CNTN5: variants seen among roughly 807,000 people sequenced by gnomAD.
The protein encoded by CNTN5 is contactin 5.
CNTN5 carries 77 observed loss-of-function variants against 129.1 expected under a neutral mutation model. The observed-to-expected ratio is 0.60, with a 90% CI of 0.50 to 0.72. The LOEUF (loss-of-function observed/expected upper bound fraction) is 0.72. CNTN5 is among the 30% of genes least tolerant of loss of function. CNTN5 has a pLI of 0.00. For missense variants in CNTN5, 1,478 were observed against 1,328.8 expected (o/e 1.11, Z -1.75); for synonymous variants, 509 against 465.6 (o/e 1.09, Z -1.20).
intron 1 of CNTN5, among the ~76,000 whole-genome samples, chr11:99,260,895 A>C (rs1862595046): frequency 6.6e-6 from 1 of 151,958 alleles, no homozygotes; most frequent in South Asian, 2.1e-4. Context: ...CACTGATGGG[A>C]AATTCCAAAC....
intron 2 of CNTN5, among the ~76,000 whole-genome samples, chr11:99,443,580 A>G (rs932343756): frequency 2.6e-5 from 4 of 152,204 alleles, no homozygotes; most frequent in African/African-American, 7.2e-5. Context: ...ATGAATTCAT[A>G]AATATTTAAT....
chr11:100,291,754 TA>T (rs1324855984), intron 18 of CNTN5, among the ~76,000 whole-genome samples: 38 of 34,892 alleles, frequency 1.1e-3, no homozygotes, highest in Non-Finnish European at 3.4e-3. Flanking sequence ...AGTATAATAA[TA>T]AATAAATAAA....
chr11:99,642,503 A>G (rs1951807658), intron 3 of CNTN5, among the ~76,000 whole-genome samples: 1 of 152,170 alleles, frequency 6.6e-6, no homozygotes, highest in African/African-American at 2.4e-5. Context: ...GTAATTGTAC[A>G]TATTTACAGG....
At chr11:100,253,295 T>C (rs1950006930) in intron 16 of CNTN5, among the ~76,000 whole-genome samples, 1 of 152,172 alleles carries the variant, frequency 6.6e-6, no homozygotes, top group African/African-American at 2.4e-5. Flanking sequence ...AGCTGTGCTG[T>C]TCCCTAGCAG....
intron 9 of CNTN5, among the ~76,000 whole-genome samples, chr11:100,040,542 T>C (rs976262813): frequency 1.3e-5 from 2 of 152,172 alleles, no homozygotes; most frequent in Non-Finnish European, 2.9e-5. Context: ...GCTGTCTTTT[T>C]GTTTGTCTGT....
chr11:99,561,011 A>T (rs572092164), intron 3 of CNTN5, among the ~76,000 whole-genome samples: 129 of 152,304 alleles, frequency 8.5e-4, no homozygotes, highest in African/African-American at 3.0e-3. Flanking sequence ...GTAGCAACCA[A>T]CACACAAAGT....
At chr11:99,719,957 C>A (rs954324598) in intron 3 of CNTN5, among the ~76,000 whole-genome samples, 2 of 152,048 alleles carry the variant, frequency 1.3e-5, no homozygotes, top group Admixed American at 6.6e-5. Flanking sequence ...TGGACACATA[C>A]ACTCTCCTAA....
At chr11:100,065,002 C>G (rs535641556) in intron 10 of CNTN5, among the ~76,000 whole-genome samples, 2 of 152,168 alleles carry the variant, frequency 1.3e-5, no homozygotes, top group South Asian at 4.1e-4. Flanking sequence ...GCGTCACCAA[C>G]TAGTAACTTG....
At chr11:99,426,352 C>A (rs909968643) in intron 2 of CNTN5, among the ~76,000 whole-genome samples, 5 of 151,732 alleles carry the variant, frequency 3.3e-5, no homozygotes, top group Non-Finnish European at 5.9e-5. Flanking sequence ...CAAATATTTC[C>A]AAAAAAAGGG....
intron 2 of CNTN5, among the ~76,000 whole-genome samples, chr11:99,336,874 A>G (rs1591539465): frequency 6.6e-6 from 1 of 152,176 alleles, no homozygotes; most frequent in African/African-American, 2.4e-5. Flanking sequence ...TTTACTAAAC[A>G]GTAGATATAG....
intron 13 of CNTN5, among the ~76,000 whole-genome samples, chr11:100,145,953 TAGAATC>T (rs934784971): frequency 6.6e-6 from 1 of 152,152 alleles, no homozygotes; most frequent in African/African-American, 2.4e-5. Flanking sequence ...TCACCAGTAT[TAGAATC>T]AGATACCATG....
intron 8 of CNTN5, among the ~76,000 whole-genome samples, chr11:99,970,972 A>G (rs929810449): frequency 2.6e-5 from 4 of 152,198 alleles, no homozygotes; most frequent in Non-Finnish European, 5.9e-5. Flanking sequence ...TCTGTCTCCA[A>G]GAATGCAAAT....
intron 1 of CNTN5, among the ~76,000 whole-genome samples, chr11:99,070,619 A>C (rs764970877): frequency 1.3e-5 from 2 of 152,132 alleles, no homozygotes; most frequent in South Asian, 4.1e-4. Context: ...TTAAGTAAAA[A>C]CAAGTATTAT....
chr11:100,216,163 C>T (rs964424797), intron 15 of CNTN5, among the ~76,000 whole-genome samples: 4 of 152,082 alleles, frequency 2.6e-5, no homozygotes, highest in African/African-American at 7.2e-5. Flanking sequence ...TGAGATGAAG[C>T]TACTCATACT....
At chr11:99,800,405 G>A (rs571230562) in intron 3 of CNTN5, among the ~76,000 whole-genome samples, 1 of 151,418 alleles carries the variant, frequency 6.6e-6, no homozygotes, top group South Asian at 2.1e-4. Flanking sequence ...GTGTAGATGT[G>A]AAGAATTTAT....
At chr11:100,096,228 G>T (rs1025895081) in intron 13 of CNTN5, among the ~76,000 whole-genome samples, 4 of 152,024 alleles carry the variant, frequency 2.6e-5, no homozygotes, top group Non-Finnish European at 4.4e-5. Flanking sequence ...TTTGCTTGAC[G>T]TGTAGTCCCA....
At position 99,871,806 on chromosome 11, in the gene CNTN5, T is replaced by C. The variant is rs145883450; in HGVS notation, c.577+26544T>C. Among the ~76,000 whole-genome samples the C allele has an allele frequency of 3.6e-3, 545 of 152,184 alleles. 6 individuals carry two copies. Among genetic ancestry groups the C allele is most frequent in the African/African-American group, 0.012 (482 of 41,554 alleles). ...AAATGCCTGATGGTACAATGTTTAC[T>C]TCTGATTAAATCTAGTGATTGAAAT... is the stretch of plus-strand genomic sequence containing the variant. On this transcript the variant is annotated intron_variant, in intron 6 of 24. Transcript: ENST00000524871.
intron 4 of CNTN5, among the ~76,000 whole-genome samples, chr11:99,829,185 G>A (rs1947061406): frequency 6.6e-6 from 1 of 152,112 alleles, no homozygotes; most frequent in African/African-American, 2.4e-5. Flanking sequence ...CTGAAATGAT[G>A]AAAATACATA....
chr11:100,240,027 A>T (rs1949703487), intron 16 of CNTN5, among the ~76,000 whole-genome samples: 2 of 152,226 alleles, frequency 1.3e-5, no homozygotes, highest in African/African-American at 4.8e-5. Context: ...TGTTGCAAAG[A>T]TGTTTTATCA....
Sources: allele counts gnomAD v4.1 joint callset (sites outside exome capture counted in the v4.1 genomes callset), GRCh38; gene constraint gnomAD v4.1.1; transcripts MANE v1.5; gene names NCBI Gene and HGNC (gene_info 2026-07-23, HGNC 2026-07-21).